The following PDCD6IP variants were observed in gnomAD, a reference collection of about 807,000 sequenced individuals.
The protein encoded by PDCD6IP is programmed cell death 6-interacting protein.
A neutral mutation model predicts 103.7 loss-of-function variants in PDCD6IP; 43 were observed. The ratio of observed to expected loss-of-function variants is 0.41; its 90% confidence interval spans 0.32 to 0.53. PDCD6IP has a LOEUF of 0.53. Among genes scored for constraint, PDCD6IP ranks in the 20% least tolerant of loss-of-function variants. The pLI is 0.16. For synonymous variants in PDCD6IP, 354 were observed against 378.7 expected (o/e 0.93, Z 0.76); for missense variants, 871 against 1,036.7 (o/e 0.84, Z 2.20).
At chr3:33,825,643 T>TA (rs1313440562) in intron 5 of PDCD6IP, among the ~76,000 whole-genome samples, 2 of 152,236 alleles carry the variant, frequency 1.3e-5, no homozygotes, top group Non-Finnish European at 2.9e-5. Context: ...ATTTATTGGA[T>TA]ACTTACTCTG....
intron 15 of PDCD6IP, among the ~76,000 whole-genome samples, chr3:33,863,548 T>G (rs1037667514): frequency 6.6e-6 from 1 of 152,202 alleles, no homozygotes; most frequent in African/African-American, 2.4e-5. Context: ...ATTTCACTTA[T>G]CATGATGGCC....
chr3:33,803,087 C>A (rs1299407403), intron 1 of PDCD6IP, among the ~76,000 whole-genome samples: 2 of 152,208 alleles, frequency 1.3e-5, no homozygotes, highest in African/African-American at 4.8e-5. Context: ...TGTCATTTCC[C>A]GTTCTTTTTG....
chr3:33,859,442 A>C (rs1483289740), intron 15 of PDCD6IP, among the ~76,000 whole-genome samples: 3 of 152,190 alleles, frequency 2.0e-5, no homozygotes, highest in Non-Finnish European at 4.4e-5. Flanking sequence ...AAACTTATTC[A>C]CAGGCAAAAG....
At chr3:33,864,530 C>A (rs528429859) in intron 16 of PDCD6IP, among the ~76,000 whole-genome samples, 1 of 152,050 alleles carries the variant, frequency 6.6e-6, no homozygotes, top group South Asian at 2.1e-4. Flanking sequence ...ATGAAAGTTT[C>A]CTTATAATCA....
chr3:33,815,526 A>G (rs1178107980), intron 3 of PDCD6IP, among the ~76,000 whole-genome samples: 1 of 152,200 alleles, frequency 6.6e-6, no homozygotes, highest in Non-Finnish European at 1.5e-5. Context: ...TGAATCTAGA[A>G]GGCCTAACTC....
intron 4 of PDCD6IP, among the ~76,000 whole-genome samples, chr3:33,822,569 A>C (rs189834211): frequency 6.6e-6 from 1 of 152,230 alleles, no homozygotes; most frequent in South Asian, 2.1e-4. Context: ...ATGGTCAGAC[A>C]CATAATGTTC....
rs760937300 is a variant in PDCD6IP at position 33,844,123 on chromosome 3, G to A, written c.1371G>A (p.Leu457=). 4.4e-5 allele frequency: 70 copies of A among 1,593,994 alleles called. No individual in the cohort carries two copies. The highest frequency in any genetic ancestry group is 5.6e-5 in the Non-Finnish European group (66 of 1,173,600). The change falls in exon 11 of 18, where the codon TTG becomes TTA. Residue 457 remains leucine (L), a synonymous_variant. Coordinates refer to ENST00000307296, the MANE Select transcript of PDCD6IP (RefSeq NM_013374.6). ...GCTTCCTTTTAAAGTCATTAAGGTT[G>A]TTGGATGAAGAAGAAGCAACCGATA... is the stretch of plus-strand genomic sequence containing the variant. ...NREILDESLR[L]LDEEEATDND...
Position 33,866,351 on chromosome 3 carries a change from G to T in PDCD6IP, c.2433G>T (p.Gly811=). The T allele has an allele frequency of 2.7e-6, 4 of 1,466,918 alleles. No individual in the cohort carries two copies. Among genetic ancestry groups the T allele is most frequent in the South Asian group, 2.8e-5 (2 of 72,638 alleles). The allele number at this position is 1,466,918 out of a possible 1,614,324, so 90.9% of individuals were successfully genotyped here. Residue 811 remains glycine, a splice_region_variant and synonymous_variant, in exon 18 of 18, where the codon GGG becomes GGT. Coordinates refer to ENST00000307296, the MANE Select transcript of PDCD6IP (RefSeq NM_013374.6). ...PPYPTYPGYP[G]YCQMPMPMGY... is the part of the protein sequence containing the mutation. ...AGATTTTTCTGTTTTCTTCTATCAG[G>T]TATTGCCAAATGCCCATGCCCATGG...
intron 16 of PDCD6IP, among the ~76,000 whole-genome samples, chr3:33,864,865 T>G (rs1284406823): frequency 6.6e-6 from 1 of 152,198 alleles, no homozygotes; most frequent in Admixed American, 6.5e-5. Flanking sequence ...GATGTGTGAT[T>G]ATTTTATATA....
intron 3 of PDCD6IP, among the ~76,000 whole-genome samples, chr3:33,815,563 G>T (rs11926545): frequency 0.38 from 58,118 of 151,936 alleles, 12,795 homozygotes; most frequent in African/African-American, 0.61. Flanking sequence ...ACAGACCAGT[G>T]AGGAGACTGA....
intron 4 of PDCD6IP, among the ~76,000 whole-genome samples, chr3:33,823,555 G>A: frequency 6.6e-6 from 1 of 152,232 alleles, no homozygotes; most frequent in Non-Finnish European, 1.5e-5. Context: ...AGGCTGTGGT[G>A]TGCGGATCAC....
intron 1 of PDCD6IP, among the ~76,000 whole-genome samples, chr3:33,807,303 C>G (rs1226668638): frequency 1.3e-5 from 2 of 152,176 alleles, no homozygotes; most frequent in Non-Finnish European, 2.9e-5. Flanking sequence ...TTTTGTATGG[C>G]CTGTGAGCAC....
Position 33,825,247 on chromosome 3 carries a change from C to CCGA in PDCD6IP, c.525_527dup (p.Thr176dup). On this transcript the variant is annotated inframe_insertion, in exon 5 of 18. Coordinates refer to ENST00000307296, the MANE Select transcript of PDCD6IP (RefSeq NM_013374.6). ...GGTTTTATCTGCCTTAAGTCGAGAG[C>CCGA]CGACCGTGGACATATCTCCAGATAC... 6.2e-7 allele frequency: 1 copy of CCGA among 1,613,356 alleles called. No individual in the cohort carries two copies. The highest frequency in any genetic ancestry group is 8.5e-7 in the Non-Finnish European group (1 of 1,179,594).
intron 3 of PDCD6IP, among the ~76,000 whole-genome samples, chr3:33,813,979 G>A (rs1042780123): frequency 1.3e-5 from 2 of 152,136 alleles, no homozygotes; most frequent in Admixed American, 6.6e-5. Flanking sequence ...TTTGAGTTAG[G>A]CCTTGAAGGA....
At chr3:33,839,331 C>T (rs1321322388) in intron 9 of PDCD6IP, among the ~76,000 whole-genome samples, 2 of 152,154 alleles carry the variant, frequency 1.3e-5, no homozygotes, top group African/African-American at 4.8e-5. Context: ...ACAGTACTTA[C>T]AGTATGTACA....
intron 12 of PDCD6IP, among the ~76,000 whole-genome samples, chr3:33,850,843 C>T (rs1697697624): frequency 6.6e-6 from 1 of 151,970 alleles, no homozygotes; most frequent in African/African-American, 2.4e-5. Context: ...AATCATATTT[C>T]TTTCTCTTTC....
intron 12 of PDCD6IP, among the ~76,000 whole-genome samples, chr3:33,851,874 C>G (rs961494357): frequency 6.6e-6 from 1 of 152,164 alleles, no homozygotes; most frequent in Non-Finnish European, 1.5e-5. Flanking sequence ...CTATTTCTTT[C>G]TCCATCTACC....
At chr3:33,809,595 A>G (rs1436075267) in intron 1 of PDCD6IP, among the ~76,000 whole-genome samples, 3 of 152,232 alleles carry the variant, frequency 2.0e-5, no homozygotes, top group East Asian at 1.9e-4. Flanking sequence ...CTGTATAACC[A>G]TAGTACAACT....
intron 1 of PDCD6IP, among the ~76,000 whole-genome samples, chr3:33,810,555 A>G (rs1696693439): frequency 6.6e-6 from 1 of 152,236 alleles, no homozygotes; most frequent in Non-Finnish European, 1.5e-5. Context: ...GTGAAGTGTT[A>G]CTGCTTATAG....
Sources: allele counts gnomAD v4.1 joint callset (sites outside exome capture counted in the v4.1 genomes callset), GRCh38; gene constraint gnomAD v4.1.1; transcripts MANE v1.5; gene names NCBI Gene and HGNC (gene_info 2026-07-23, HGNC 2026-07-21).